Variants in DENND3 observed in about 807,000 individuals in gnomAD.
The protein encoded by DENND3 is DENN domain containing 3.
DENND3 carries 88 observed loss-of-function variants against 135.1 expected under a neutral mutation model. The ratio of observed to expected loss-of-function variants is 0.65; its 90% CI spans 0.55 to 0.78. The LOEUF is 0.78. DENND3 is among the 30% of genes least tolerant of loss of function. The probability of loss-of-function intolerance (pLI) is 0.00; values close to 1 mark genes in which losing one functional copy is unlikely to be tolerated. For synonymous variants in DENND3, 693 were observed against 712.3 expected (o/e 0.97, Z 0.43); for missense variants, 1,392 against 1,688.4 (o/e 0.82, Z 3.08).
Position 141,178,079 on chromosome 8 carries a change from G to A in DENND3, c.2719G>A (p.Val907Ile), listed in dbSNP as rs143037379. The A allele has an allele frequency of 1.0e-4, 164 of 1,607,548 alleles. 2 individuals carry two copies. In the Middle Eastern group the frequency reaches 8.0e-3, roughly 79 times the overall value. Residue 907 changes from valine to isoleucine, a missense_variant, in exon 16 of 23, where the codon GTC becomes ATC. Val to Ile is a conservative substitution (Grantham distance 29, BLOSUM62 3). Transcript: ENST00000519811. ...GTTTCTGTTGTAGGACCCTCACTAC[G>A]TCCAGCAGGCGCTGACCAACGTCTT... is the stretch of plus-strand genomic sequence containing the variant. ...LADDHKDPHY[V>I]QQALTNVLLM...
chr8:141,182,284 AT>A lies in DENND3; in HGVS notation c.2944+1433del. 1.0e-6 allele frequency: 1 copy of A among 984,976 alleles called. No homozygotes were observed. Among genetic ancestry groups the A allele is most frequent in the African/African-American group, 1.7e-5 (1 of 57,292 alleles). 61.0% of individuals were successfully genotyped at this position (984,976 alleles called of 1,614,324 possible). ...GGGCAGAGAAGCTGTGTGTGAAGCG[AT>A]TTCCCCATAAGAGAGTTTTTCTCTC... On this transcript the variant is annotated intron_variant, in intron 17 of 22. Coordinates refer to ENST00000519811, the MANE Select transcript of DENND3 (RefSeq NM_001352890.3). The surrounding 1 kb of genome is among the most constrained non-coding windows in gnomAD (Gnocchi z 5.9).
At chr8:141,133,961 T>C (rs1161483643) in intron 1 of DENND3, among the ~76,000 whole-genome samples, 1 of 152,056 alleles carries the variant, frequency 6.6e-6, no homozygotes, top group Non-Finnish European at 1.5e-5. Context: ...GCTGAGGTCC[T>C]TCAGGAGGAT....
chr8:141,141,482 C>A lies in DENND3; in HGVS notation c.623+158C>A. 1 of 844,124 alleles carries A rather than the reference C, an allele frequency of 1.2e-6. No individual in the cohort carries two copies. Among genetic ancestry groups the A allele is most frequent in the Non-Finnish European group, 1.8e-6 (1 of 552,626 alleles). 52.3% of individuals were successfully genotyped at this position (844,124 alleles called of 1,614,324 possible). On this transcript the variant is annotated intron_variant, in intron 4 of 22. Coordinates refer to ENST00000519811, the MANE Select transcript of DENND3 (RefSeq NM_001352890.3). This position sits in a 1 kb window ranked among gnomAD's most constrained non-coding sequence, Gnocchi z 5.3. ...CGGGCGCTGGGGGCAGTAGGAGGGG[C>A]AGTTCTCTGTGCCTCTTAGGCTGTT...
Position 141,146,229 on chromosome 8 carries a change from C to T in DENND3, c.735+1970C>T, listed in dbSNP as rs1193897095. ...AACTGGTTTTATATTTTTTGTTACT[C>T]TTAGATGTAGTGCTGTGTTACTTAA... On this transcript the variant is annotated intron_variant, in intron 5 of 22. Transcript: ENST00000519811. The surrounding 1 kb of genome is among the most constrained non-coding windows in gnomAD (Gnocchi z 4.3). 2.6e-5 allele frequency among the ~76,000 whole-genome samples: 4 copies of T among 152,092 alleles called. No homozygotes were observed. The highest frequency in any genetic ancestry group is 2.6e-4 in the Admixed American group (4 of 15,264).
intron 20 of DENND3, chr8:141,191,739 T>G (rs1824786241): frequency 6.6e-6 from 1 of 152,632 alleles, no homozygotes; most frequent in Admixed American, 6.5e-5. Flanking sequence ...CCGCTCACTT[T>G]CAGGGCCGGT....
In DENND3 at chr8:141,168,433, T is replaced by C. The variant is rs978198914; in HGVS notation, c.2183T>C (p.Met728Thr). 1 of 1,613,800 alleles carries C rather than the reference T, an allele frequency of 6.2e-7. No individual in the cohort carries two copies. Among genetic ancestry groups the C allele is most frequent in the Non-Finnish European group, 8.5e-7 (1 of 1,180,024 alleles). ...VKKFKLPKKHMQLGDFMKRVQ... is the reference protein window; with the variant it reads ...VKKFKLPKKHTQLGDFMKRVQ... ...AAGTTCAAGCTGCCCAAGAAGCACA[T>C]GCAGCTGGGCGACTTCATGAAGCGG... The change falls in exon 13 of 23, where the codon ATG becomes ACG. Residue 728 changes from methionine to threonine, a missense_variant. Transcript: ENST00000519811. The surrounding 1 kb of genome is among the most constrained non-coding windows in gnomAD (Gnocchi z 6.2).
chr8:141,183,249 T>C (rs1823411215), intron 17 of DENND3, among the ~76,000 whole-genome samples: 2 of 152,008 alleles, frequency 1.3e-5, no homozygotes, highest in African/African-American at 4.8e-5. Context: ...AAGCAATGAC[T>C]TTATTATTTT....
rs571190857 is a variant in DENND3, at chr8:141,139,460, C to G, written c.501+1323C>G. Reference sequence around the variant, plus strand: ...CAAGAGCAGAACCAAGGTCAGCTCTCGGGCGGTGCATGCAGGGGACCAGCG... The same window carrying G: ...CAAGAGCAGAACCAAGGTCAGCTCTGGGGCGGTGCATGCAGGGGACCAGCG... On this transcript the variant is annotated intron_variant, in intron 3 of 22. Transcript: ENST00000519811. This position sits in a 1 kb window ranked among gnomAD's most constrained non-coding sequence, Gnocchi z 4.2. Among the ~76,000 whole-genome samples the G allele has an allele frequency of 3.9e-5, 6 of 152,188 alleles. No homozygotes were observed. The highest frequency in any genetic ancestry group is 7.4e-5 in the Non-Finnish European group (5 of 68,022).
At chr8:141,151,563 C>A (rs868798416) in intron 6 of DENND3, 56 bp from the exon 7 acceptor site, 8 of 1,419,884 alleles carry the variant, frequency 5.6e-6, no homozygotes, top group South Asian at 3.5e-5. Flanking sequence ...GAGACCCTGT[C>A]TGTATTTTTT....
rs1440728135 is a variant in DENND3 at position 141,150,251 on chromosome 8, G to A, written c.736-583G>A. ...GCTCAGAAGCCCTCCCTCAGTGAAGGAACTGAACCTTCTCCTCTGGATTTC... is the reference window on the plus strand; with the variant it reads ...GCTCAGAAGCCCTCCCTCAGTGAAGAAACTGAACCTTCTCCTCTGGATTTC... On this transcript the variant is annotated intron_variant, in intron 5 of 22. Transcript: ENST00000519811. The A allele has an allele frequency of 1.4e-5, 17 of 1,177,282 alleles. No homozygotes were observed. In the East Asian group the frequency reaches 2.5e-4, roughly 17 times the overall value. The allele number at this position is 1,177,282 out of a possible 1,614,324, so 72.9% of individuals were successfully genotyped here.
intron 1 of DENND3, among the ~76,000 whole-genome samples, chr8:141,135,791 T>C (rs1589532115): frequency 1.3e-5 from 2 of 152,242 alleles, no homozygotes; most frequent in African/African-American, 4.8e-5. Context: ...ATAAAAATTA[T>C]GCCAAGTTAA....
chr8:141,178,994 A>G (rs556320092), intron 16 of DENND3, among the ~76,000 whole-genome samples: 1 of 152,360 alleles, frequency 6.6e-6, no homozygotes, highest in African/African-American at 2.4e-5. Flanking sequence ...TGGTGTGCAC[A>G]TCTGTTTTCA....
chr8:141,136,380 G>T, intron 1 of DENND3, 129 bp from the exon 2 acceptor site: 2 of 993,256 alleles, frequency 2.0e-6, no homozygotes, highest in South Asian at 3.5e-5. Flanking sequence ...TTACTGTTAG[G>T]AGCCTGAGGC....
rs1359145561 is a variant in DENND3 at position 141,146,112 on chromosome 8, G to C, written c.735+1853G>C. On this transcript the variant is annotated intron_variant, in intron 5 of 22. Transcript: ENST00000519811. This position sits in a 1 kb window ranked among gnomAD's most constrained non-coding sequence, Gnocchi z 4.3. ...TCTCCCCGCCTCGGCCTCCCGAAGT[G>C]CTGGGATTACAGCGTGAGCCACCGC... is the stretch of plus-strand genomic sequence containing the variant. Among the ~76,000 whole-genome samples, 19 of 152,140 alleles carry C rather than the reference G, an allele frequency of 1.2e-4. No individual in the cohort carries two copies. The highest frequency in any genetic ancestry group is 1.2e-3 in the Admixed American group (19 of 15,278).
At chr8:141,131,533 TCA>T (rs1368921574) in intron 1 of DENND3, among the ~76,000 whole-genome samples, 1 of 152,176 alleles carries the variant, frequency 6.6e-6, no homozygotes, top group Admixed American at 6.5e-5. Context: ...CCACATGTGG[TCA>T]CTGAGCTTGT....
At chr8:141,178,639 C>T (rs1026783457) in intron 16 of DENND3, among the ~76,000 whole-genome samples, 2 of 152,186 alleles carry the variant, frequency 1.3e-5, no homozygotes, top group Non-Finnish European at 2.9e-5. Flanking sequence ...GTCTACACAG[C>T]TGGCCTGTTG....
chr8:141,167,582 G>GC lies in DENND3; in HGVS notation c.1754-421dup, dbSNP rs1467544966. ...CCAGGCTGTGGAAGCCTCGGTTTCC[G>GC]CATCTGTAGAACGGGACTATAGTAA... On this transcript the variant is annotated intron_variant, in intron 12 of 22. Coordinates refer to ENST00000519811, the MANE Select transcript of DENND3 (RefSeq NM_001352890.3). This position sits in a 1 kb window ranked among gnomAD's most constrained non-coding sequence, Gnocchi z 4.1. Among the ~76,000 whole-genome samples the GC allele has an allele frequency of 6.6e-6, 1 of 152,168 alleles. No individual in the cohort carries two copies. Among genetic ancestry groups the GC allele is most frequent in the Non-Finnish European group, 1.5e-5 (1 of 68,032 alleles).
At position 141,160,734 on chromosome 8, in the gene DENND3, A is replaced by T. The variant is rs139787073; in HGVS notation, c.1299A>T (p.Lys433Asn). The T allele has an allele frequency of 1.5e-5, 25 of 1,613,042 alleles. No homozygotes were observed. The African/African-American group carries it at 2.9e-4, about 19-fold the overall frequency. ...CCCACCGGCGGTCCTGGCAGCAGAAACTCAACTGCCAGATACAGCAGACCA... is the reference window on the plus strand; with the variant it reads ...CCCACCGGCGGTCCTGGCAGCAGAATCTCAACTGCCAGATACAGCAGACCA... ...GRAHRRSWQQ[K>N]LNCQIQQTTL... is the part of the protein sequence containing the mutation. Residue 433 changes from lysine to asparagine, a missense_variant, in exon 9 of 23, where the codon AAA (lysine) becomes AAT (asparagine). Physicochemically the swap from Lys to Asn is moderately conservative, Grantham distance 94. Coordinates refer to ENST00000519811, the MANE Select transcript of DENND3 (RefSeq NM_001352890.3).
chr8:141,166,374 A>G lies in DENND3; in HGVS notation c.1738A>G (p.Arg580Gly). 2 of 1,612,038 alleles carry G rather than the reference A, an allele frequency of 1.2e-6. No individual in the cohort carries two copies. The highest frequency in any genetic ancestry group is 1.7e-6 in the Non-Finnish European group (2 of 1,179,870). Residue 580 changes from arginine (R) to glycine (G), a missense_variant, in exon 12 of 23, where the codon AGG (arginine) becomes GGG (glycine). Physicochemically the swap from Arg to Gly is moderately radical, Grantham distance 125 (BLOSUM62 -2). Transcript: ENST00000519811. This position sits in a 1 kb window ranked among gnomAD's most constrained non-coding sequence, Gnocchi z 4.3. ...SLRLTDTAGCRGSSAVLNVTP... is the reference protein window; with the variant it reads ...SLRLTDTAGCGGSSAVLNVTP... ...CCGGCTGACGGACACCGCAGGCTGTAGGGGCAGCAGCGCAGGTGAGGGCTG... is the reference window on the plus strand; with the variant it reads ...CCGGCTGACGGACACCGCAGGCTGTGGGGGCAGCAGCGCAGGTGAGGGCTG...
Sources: allele counts gnomAD v4.1 joint callset (sites outside exome capture counted in the v4.1 genomes callset), GRCh38; gene constraint gnomAD v4.1.1; non-coding constraint Gnocchi (gnomAD v3.1); transcripts MANE v1.5; gene names NCBI Gene and HGNC (gene_info 2026-07-23, HGNC 2026-07-21).